ZSWIM6: variants seen among roughly 807,000 people sequenced by gnomAD.
ZSWIM6 encodes zinc finger SWIM domain-containing protein 6.
ZSWIM6 carries 9 observed loss-of-function variants against 113.2 expected under a neutral mutation model. That is an observed-to-expected ratio of 0.08 (90% CI 0.05 to 0.14). ZSWIM6 has a LOEUF of 0.14. ZSWIM6 is among the 10% of genes least tolerant of loss of function. The pLI, the probability that ZSWIM6 is intolerant of heterozygous loss-of-function variation, is 1.00. For synonymous variants in ZSWIM6, 611 were observed against 606.5 expected, an observed-to-expected ratio of 1.01 and a Z score of -0.11; for missense variants, 1,162 against 1,552.2, an observed-to-expected ratio of 0.75 and a Z score of 4.22.
At chr5:61,390,178 G>A (rs1355416627) in intron 1 of ZSWIM6, among the ~76,000 whole-genome samples, 1 of 152,190 alleles carries the variant, frequency 6.6e-6, no homozygotes, top group African/African-American at 2.4e-5. Context: ...CTACTGTGCT[G>A]TAATGATATT....
intron 4 of ZSWIM6, among the ~76,000 whole-genome samples, chr5:61,497,388 G>C (rs1467869437): frequency 1.3e-5 from 2 of 152,076 alleles, no homozygotes; most frequent in Non-Finnish European, 2.9e-5. Flanking sequence ...TCTTTCAAGT[G>C]AATATATGAA....
At chr5:61,391,116 G>A in intron 1 of ZSWIM6, 1 of 756,096 alleles carries the variant, frequency 1.3e-6, no homozygotes, top group Admixed American at 1.7e-5. Context: ...TCCCAGTACA[G>A]GCCACTTTGC....
chr5:61,429,837 T>C (rs922371276), intron 1 of ZSWIM6, among the ~76,000 whole-genome samples: 5 of 152,096 alleles, frequency 3.3e-5, no homozygotes, highest in African/African-American at 1.2e-4. Context: ...TGGGTACTGA[T>C]CACATTGTCT....
At chr5:61,336,091 T>C (rs1429741791) in intron 1 of ZSWIM6, among the ~76,000 whole-genome samples, 2 of 151,978 alleles carry the variant, frequency 1.3e-5, no homozygotes, top group Non-Finnish European at 2.9e-5. Context: ...GGTTAAACCC[T>C]GTCCCTACCA....
chr5:61,524,875 G>A (rs1749236707), intron 5 of ZSWIM6, among the ~76,000 whole-genome samples: 1 of 152,258 alleles, frequency 6.6e-6, no homozygotes, highest in Non-Finnish European at 1.5e-5. Context: ...TTGTGCCACA[G>A]TTGAAGGTAA....
chr5:61,522,110 GT>G (rs1174633397), intron 5 of ZSWIM6, among the ~76,000 whole-genome samples: 29 of 134,188 alleles, frequency 2.2e-4, no homozygotes, highest in African/African-American at 7.5e-4. Flanking sequence ...TTTGTTTTTT[GT>G]TTTTTTTTAG....
At chr5:61,339,204 T>G (rs1455842438) in intron 1 of ZSWIM6, among the ~76,000 whole-genome samples, 1 of 152,196 alleles carries the variant, frequency 6.6e-6, no homozygotes, top group African/African-American at 2.4e-5. Flanking sequence ...AAAAATCACA[T>G]GAGACCAGCC....
rs1226331320 is a variant in ZSWIM6, at chr5:61,332,737, C to T, written c.465C>T (p.Ser155=). The T allele has an allele frequency of 4.2e-6, 4 of 959,430 alleles. No homozygotes were observed. The highest frequency in any genetic ancestry group is 6.7e-5 in the Admixed American group (1 of 15,008). The allele number at this position is 959,430 out of a possible 1,614,324, so 59.4% of individuals were successfully genotyped here. A position where few individuals can be genotyped will look rare whatever the true frequency, so the allele number is the denominator to read the frequency against. The change falls in exon 1 of 14, where the codon TCC becomes TCT. Residue 155 remains serine (S), a synonymous_variant. Transcript: ENST00000252744. ...GGAGGGGGGG[S]SSSPAATSAA... Reference sequence around the variant, plus strand: ...CGGGCGGCGGCGGCGGCGGCGGCTCCTCGTCTTCCCCGGCCGCAACCTCGG... The same window carrying T: ...CGGGCGGCGGCGGCGGCGGCGGCTCTTCGTCTTCCCCGGCCGCAACCTCGG...
intron 1 of ZSWIM6, among the ~76,000 whole-genome samples, chr5:61,392,228 A>G (rs1745732711): frequency 6.6e-6 from 1 of 152,194 alleles, no homozygotes; most frequent in African/African-American, 2.4e-5. Context: ...CTCTAGTAGT[A>G]TTGGAGAAAG....
intron 1 of ZSWIM6, among the ~76,000 whole-genome samples, chr5:61,333,319 G>A (rs1646005048): frequency 6.6e-6 from 1 of 151,464 alleles, no homozygotes; most frequent in Non-Finnish European, 1.5e-5. Flanking sequence ...GGCCTCCGGC[G>A]AGGGTGTGTG....
chr5:61,435,452 C>T (rs529901505), intron 1 of ZSWIM6, among the ~76,000 whole-genome samples: 1 of 152,242 alleles, frequency 6.6e-6, no homozygotes, highest in South Asian at 2.1e-4. Context: ...CGCCTAGGTA[C>T]TTTAGATTTA....
chr5:61,430,390 G>A (rs1362675241), intron 1 of ZSWIM6, among the ~76,000 whole-genome samples: 1 of 151,886 alleles, frequency 6.6e-6, no homozygotes, highest in Non-Finnish European at 1.5e-5. Context: ...AATATTTTGG[G>A]AAATTAGTAA....
intron 1 of ZSWIM6, among the ~76,000 whole-genome samples, chr5:61,350,140 G>A (rs544668214): frequency 6.6e-6 from 1 of 152,270 alleles, no homozygotes; most frequent in South Asian, 2.1e-4. Flanking sequence ...GAGAGGGCTG[G>A]GTTATCCAGA....
intron 1 of ZSWIM6, among the ~76,000 whole-genome samples, chr5:61,448,916 A>G (rs925372584): frequency 6.6e-6 from 1 of 152,194 alleles, no homozygotes; most frequent in African/African-American, 2.4e-5. Flanking sequence ...GGATATTTTG[A>G]CATTTTTAGT....
At chr5:61,392,506 A>G (rs769066479) in intron 1 of ZSWIM6, among the ~76,000 whole-genome samples, 2 of 152,242 alleles carry the variant, frequency 1.3e-5, no homozygotes, top group Non-Finnish European at 2.9e-5. Context: ...GTTTGATAAT[A>G]TGCACGCATG....
chr5:61,545,379 A>G lies in ZSWIM6; in HGVS notation c.*1062A>G, dbSNP rs919254657. The stretch of plus-strand genomic sequence containing the variant: ...GGACAACAAAATACACAGCCAGAGC[A>G]GCAAGCCTTAGCATTAAGAATATAC... On this transcript the variant is annotated 3_prime_UTR_variant, in exon 14 of 14. Transcript: ENST00000252744. The G allele has an allele frequency of 2.0e-5, 3 of 152,196 alleles. No individual in the cohort carries two copies. Among genetic ancestry groups the G allele is most frequent in the Non-Finnish European group, 4.4e-5 (3 of 68,028 alleles). 9.4% of individuals were successfully genotyped at this position (152,196 alleles called of 1,614,324 possible).
rs146851638 is a variant in ZSWIM6 at position 61,366,566 on chromosome 5, T to A, written c.676+33618T>A. ...TTTGATATTCCTACTTAGAAATTGT[T>A]TTAGAAAGTTTAGCCTTCTAGTTTG... On this transcript the variant is annotated intron_variant, in intron 1 of 13. Coordinates refer to ENST00000252744, the MANE Select transcript of ZSWIM6 (RefSeq NM_020928.2). 3.3e-5 allele frequency among the ~76,000 whole-genome samples: 5 copies of A among 152,376 alleles called. No homozygotes were observed. The East Asian group carries it at 7.7e-4, about 23-fold the overall frequency.
At chr5:61,379,707 G>A (rs1745439689) in intron 1 of ZSWIM6, among the ~76,000 whole-genome samples, 1 of 151,994 alleles carries the variant, frequency 6.6e-6, no homozygotes, top group South Asian at 2.1e-4. Flanking sequence ...ATGGAGTATC[G>A]AGTAAAAACT....
intron 4 of ZSWIM6, among the ~76,000 whole-genome samples, chr5:61,517,813 C>T (rs1378777148): frequency 6.7e-6 from 1 of 149,334 alleles, no homozygotes; most frequent in Non-Finnish European, 1.5e-5. Flanking sequence ...TATTATTATA[C>T]TTTTAAGTTT....
Sources: gnomAD v4.1 joint callset for allele counts (sites outside exome capture counted in the v4.1 genomes callset) on GRCh38, gnomAD v4.1.1 for gene constraint, MANE v1.5 for transcripts, NCBI Gene and HGNC (gene_info 2026-07-23, HGNC 2026-07-21) for gene names.